SCFD1: variants seen among roughly 807,000 people sequenced by gnomAD.
SCFD1 encodes the protein sec1 family domain containing 1.
A neutral mutation model predicts 103.2 loss-of-function variants in SCFD1; 37 were observed. The observed-to-expected ratio is 0.36, with a 90% CI of 0.28 to 0.47. SCFD1 has a LOEUF of 0.47. Ranked by LOEUF, SCFD1 falls within the 20% of genes least tolerant of loss-of-function variation. The probability of loss-of-function intolerance (pLI) is 1.00; values close to 1 mark genes in which losing one functional copy is unlikely to be tolerated. For synonymous variants in SCFD1, 264 were observed against 245.0 expected (o/e 1.08, Z -0.73); for missense variants, 639 against 761.2 (o/e 0.84, Z 1.89).
intron 4 of SCFD1, chr14:30,634,977 A>T: frequency 2.2e-6 from 1 of 456,022 alleles, no homozygotes; most frequent in South Asian, 1.5e-5. Context: ...AGTCACCCCA[A>T]AGAAAATCTA....
chr14:30,660,986 A>C (rs1335149667), intron 10 of SCFD1, among the ~76,000 whole-genome samples: 1 of 152,144 alleles, frequency 6.6e-6, no homozygotes, highest in Non-Finnish European at 1.5e-5. Flanking sequence ...CCTTTGAGTA[A>C]CAAATAGTGG....
chr14:30,644,538 C>A (rs990123427), intron 7 of SCFD1, among the ~76,000 whole-genome samples: 1 of 152,184 alleles, frequency 6.6e-6, no homozygotes, highest in Non-Finnish European at 1.5e-5. Flanking sequence ...TAATAATAGA[C>A]ATTCTGACTG....
At chr14:30,716,995 A>T (rs933897647) in intron 20 of SCFD1, among the ~76,000 whole-genome samples, 2 of 152,232 alleles carry the variant, frequency 1.3e-5, no homozygotes, top group African/African-American at 4.8e-5. Flanking sequence ...ATCCTAGAAT[A>T]CATGAAGAAA....
intron 14 of SCFD1, among the ~76,000 whole-genome samples, chr14:30,680,468 T>A (rs1014529564): frequency 6.6e-6 from 1 of 152,352 alleles, no homozygotes; most frequent in Admixed American, 6.5e-5. Flanking sequence ...ATACTTGCCT[T>A]AAGACCATCT....
intron 7 of SCFD1, among the ~76,000 whole-genome samples, chr14:30,647,621 G>T (rs760789041): frequency 5.3e-5 from 8 of 151,816 alleles, no homozygotes; most frequent in Non-Finnish European, 1.0e-4. Context: ...TATATATAAA[G>T]AAAGTACACG....
chr14:30,638,787 A>G (rs187837434), intron 5 of SCFD1, among the ~76,000 whole-genome samples: 198 of 152,312 alleles, frequency 1.3e-3, no homozygotes, highest in Non-Finnish European at 2.4e-3. Context: ...TCAGTTATAA[A>G]TCAATTTGTA....
chr14:30,659,766 GA>G (rs1268204855), intron 10 of SCFD1, among the ~76,000 whole-genome samples: 3 of 144,888 alleles, frequency 2.1e-5, no homozygotes, highest in Admixed American at 7.3e-5. Context: ...AAATAATAAA[GA>G]TTTTTTTTTC....
chr14:30,683,752 A>T (rs1021934100), intron 14 of SCFD1, among the ~76,000 whole-genome samples: 2 of 152,232 alleles, frequency 1.3e-5, no homozygotes, highest in East Asian at 3.8e-4. Context: ...GCATTGCAAC[A>T]TAGAAAGGTT....
At position 30,632,284 on chromosome 14, in the gene SCFD1, A is replaced by T. The variant is rs138225930; in HGVS notation, c.222-1663A>T. On this transcript the variant is annotated intron_variant, in intron 3 of 24. Transcript: ENST00000458591. ...AAGTAACTTGACAGAATCTGGTTTA[A>T]TCAGCTCAAATTCTTCAGTTGTATA... is the stretch of plus-strand genomic sequence containing the variant. 2.7e-4 allele frequency among the ~76,000 whole-genome samples: 41 copies of T among 152,258 alleles called. No homozygotes were observed. In the East Asian group the frequency reaches 7.1e-3, roughly 26 times the overall value.
At chr14:30,716,733 G>T (rs1035501790) in intron 20 of SCFD1, among the ~76,000 whole-genome samples, 1 of 152,182 alleles carries the variant, frequency 6.6e-6, no homozygotes, top group Admixed American at 6.5e-5. Context: ...AGTGAGAACA[G>T]TGTCTTCAGA....
At position 30,673,919 on chromosome 14, in the gene SCFD1, A is replaced by T; in HGVS notation, c.1087-5A>T. The stretch of plus-strand genomic sequence containing the variant: ...GTAGCTATTGAGACCTTTTTTCTTT[A>T]CAAGGGACTAGAAGGGGAAGATGAA... On this transcript the variant is annotated splice_polypyrimidine_tract_variant and splice_region_variant and intron_variant, in intron 12 of 24. Transcript: ENST00000458591. The T allele has an allele frequency of 2.5e-6, 4 of 1,610,742 alleles. No homozygotes were observed. Among genetic ancestry groups the T allele is most frequent in the Non-Finnish European group, 3.4e-6 (4 of 1,177,308 alleles).
At chr14:30,704,691 A>G (rs992979032) in intron 17 of SCFD1, among the ~76,000 whole-genome samples, 3 of 152,052 alleles carry the variant, frequency 2.0e-5, no homozygotes, top group African/African-American at 4.8e-5. Flanking sequence ...CATCTTAGTG[A>G]TTTACATTTT....
chr14:30,677,584 T>C (rs1382559067), intron 14 of SCFD1, among the ~76,000 whole-genome samples: 1 of 151,072 alleles, frequency 6.6e-6, no homozygotes, highest in East Asian at 2.0e-4. Context: ...AGATAAACTG[T>C]ATTGTTCTCA....
intron 16 of SCFD1, among the ~76,000 whole-genome samples, chr14:30,701,899 T>C (rs1255982138): frequency 6.6e-6 from 1 of 152,126 alleles, no homozygotes; most frequent in Non-Finnish European, 1.5e-5. Context: ...GAAACCGAAA[T>C]CTGCAGCTCC....
chr14:30,700,462 G>A (rs1373141144), intron 16 of SCFD1, among the ~76,000 whole-genome samples: 7 of 152,196 alleles, frequency 4.6e-5, no homozygotes, highest in South Asian at 4.2e-4. Flanking sequence ...CACTTTGAGC[G>A]CAGGAGTTTG....
intron 23 of SCFD1, among the ~76,000 whole-genome samples, chr14:30,724,228 T>TG (rs2139419724): frequency 6.7e-6 from 1 of 150,194 alleles, no homozygotes; most frequent in Non-Finnish European, 1.5e-5. Flanking sequence ...TCATGTCCTT[T>TG]GCCCACTTTT....
chr14:30,704,660 T>G (rs1056197799), intron 17 of SCFD1, among the ~76,000 whole-genome samples: 29 of 152,316 alleles, frequency 1.9e-4, no homozygotes, highest in African/African-American at 6.3e-4. Flanking sequence ...AAATTGAATA[T>G]TTTTAGCATT....
chr14:30,684,342 T>G (rs763328121), intron 14 of SCFD1, among the ~76,000 whole-genome samples: 2 of 152,222 alleles, frequency 1.3e-5, no homozygotes, highest in Non-Finnish European at 2.9e-5. Flanking sequence ...GATTATTCCC[T>G]TTTGGTGAGA....
chr14:30,648,474 T>TA (rs1441842425), intron 7 of SCFD1, among the ~76,000 whole-genome samples: 1 of 152,238 alleles, frequency 6.6e-6, no homozygotes, highest in East Asian at 1.9e-4. Flanking sequence ...TTGGTATTTT[T>TA]AAAAAACTAC....
Sources: allele counts gnomAD v4.1 joint callset (sites outside exome capture counted in the v4.1 genomes callset), GRCh38; gene constraint gnomAD v4.1.1; transcripts MANE v1.5; gene names NCBI Gene and HGNC (gene_info 2026-07-23, HGNC 2026-07-21).